The following STAU2 variants were observed in gnomAD, a reference collection of about 807,000 sequenced individuals.
STAU2 encodes double-stranded RNA-binding protein Staufen homolog 2.
Under a neutral mutation model 65.9 loss-of-function variants are expected in STAU2, and 20 were observed. The observed-to-expected ratio is 0.30, with a 90% CI of 0.21 to 0.44. STAU2 has a LOEUF of 0.44. STAU2 is among the 20% of genes least tolerant of loss of function. The pLI is 1.00. For missense variants in STAU2, 558 were observed against 683.9 expected (o/e 0.82, Z 2.05); for synonymous variants, 232 against 233.9 (o/e 0.99, Z 0.07).
chr8:73,682,763 A>G (rs112169575), intron 5 of STAU2, among the ~76,000 whole-genome samples: 1,959 of 152,244 alleles, frequency 0.013, 46 homozygotes, highest in African/African-American at 0.044. Context: ...AATAAGCTCA[A>G]TTAGAAACAA....
intron 13 of STAU2, among the ~76,000 whole-genome samples, chr8:73,424,522 G>A (rs772000169): frequency 1.1e-4 from 16 of 152,028 alleles, no homozygotes; most frequent in Non-Finnish European, 2.1e-4. Flanking sequence ...GAACGATATG[G>A]CTTTTCATAA....
chr8:73,429,411 G>GTTTTTTT (rs1261161673), intron 13 of STAU2, among the ~76,000 whole-genome samples: 7 of 67,190 alleles, frequency 1.0e-4, no homozygotes, highest in Non-Finnish European at 1.8e-4. Flanking sequence ...TCTTGCTCAG[G>GTTTTTTT]TCTTTTTTTT....
At chr8:73,558,238 G>C (rs73686820) in intron 12 of STAU2, among the ~76,000 whole-genome samples, 47,168 of 152,076 alleles carry the variant, frequency 0.31, 7,576 homozygotes, top group Non-Finnish European at 0.33. Flanking sequence ...GCCCAGATTG[G>C]TTCCAAGGAT....
intron 6 of STAU2, 194 bp downstream of exon 6, chr8:73,672,913 A>AC (rs1817787947): frequency 2.2e-6 from 1 of 446,536 alleles, no homozygotes; most frequent in Admixed American, 4.2e-5. Flanking sequence ...AAAAAAAAAA[A>AC]AACTAGTTCC....
chr8:73,521,218 C>T (rs1823020904), intron 13 of STAU2, among the ~76,000 whole-genome samples: 1 of 152,080 alleles, frequency 6.6e-6, no homozygotes, highest in African/African-American at 2.4e-5. Context: ...AGAACTTAAT[C>T]AAAACTAGAA....
chr8:73,655,900 G>A (rs1397338131), intron 6 of STAU2, among the ~76,000 whole-genome samples: 15 of 149,206 alleles, frequency 1.0e-4, no homozygotes, highest in East Asian at 9.9e-4. Context: ...CGCCCGCCTC[G>A]GCCTCCCAAA....
intron 13 of STAU2, among the ~76,000 whole-genome samples, chr8:73,505,138 G>C (rs1259061838): frequency 6.6e-6 from 1 of 152,046 alleles, no homozygotes; most frequent in Non-Finnish European, 1.5e-5. Context: ...CTAAGTCATC[G>C]TTCTCCAAAA....
chr8:73,673,243 CTGTTTAAA>C lies in STAU2; in HGVS notation c.275-9_275-2del. On this transcript the variant is annotated splice_acceptor_variant and splice_polypyrimidine_tract_variant and intron_variant, in intron 5 of 14. Transcript: ENST00000524300. LOFTEE classifies it high-confidence loss of function. ...AGTTCCACAGTTGGAGTTATACTGC[CTGTTTAAA>C]AAAAAAACATTAAAGGCACACAAGT... 1 of 1,549,990 alleles carries C rather than the reference CTGTTTAAA, an allele frequency of 6.5e-7. No individual in the cohort carries two copies.
intron 5 of STAU2, among the ~76,000 whole-genome samples, chr8:73,681,436 C>G (rs894711134): frequency 3.9e-5 from 6 of 152,130 alleles, no homozygotes; most frequent in African/African-American, 1.4e-4. Context: ...TTGCCACTAT[C>G]AAGTCAGCAC....
intron 13 of STAU2, among the ~76,000 whole-genome samples, chr8:73,506,546 G>A (rs985525255): frequency 1.3e-5 from 2 of 152,096 alleles, no homozygotes; most frequent in African/African-American, 2.4e-5. Flanking sequence ...AGAAAAAAAT[G>A]CTAACAATCA....
intron 13 of STAU2, among the ~76,000 whole-genome samples, chr8:73,469,019 G>A (rs1819818651): frequency 6.6e-6 from 1 of 151,922 alleles, no homozygotes; most frequent in Non-Finnish European, 1.5e-5. Flanking sequence ...TGTTTATTGT[G>A]GCACTATTCA....
At chr8:73,603,462 A>G (rs940728492) in intron 10 of STAU2, among the ~76,000 whole-genome samples, 2 of 152,234 alleles carry the variant, frequency 1.3e-5, no homozygotes, top group Non-Finnish European at 2.9e-5. Flanking sequence ...AAAAGTTAAA[A>G]GATAGGCATT....
chr8:73,544,658 C>T lies in STAU2; in HGVS notation c.1530+7354G>A, dbSNP rs149111534. The stretch of plus-strand genomic sequence containing the variant: ...TCTGCTATGAACTCTTCCCTAATTC[C>T]TTCAGCCAGAAATGTTCATTTCCAT... On this transcript the variant is annotated intron_variant, in intron 13 of 14. Coordinates refer to ENST00000524300, the MANE Select transcript of STAU2 (RefSeq NM_001164380.2). Among the ~76,000 whole-genome samples the T allele has an allele frequency of 1.2e-4, 18 of 152,278 alleles. No individual in the cohort carries two copies. The East Asian group carries it at 3.3e-3, about 28-fold the overall frequency.
At chr8:73,637,477 T>TAAAAAAAAAAAAAAAAGAAAA (rs1814620107) in intron 6 of STAU2, among the ~76,000 whole-genome samples, 1 of 57,086 alleles carries the variant, frequency 1.8e-5, no homozygotes, top group Non-Finnish European at 3.0e-5. Context: ...GTGCTGAAAG[T>TAAAAAAAAAAAAAAAAGAAAA]AAAAAAAAAA....
At chr8:73,426,962 CTT>C (rs1289751345) in intron 13 of STAU2, among the ~76,000 whole-genome samples, 1 of 130,138 alleles carries the variant, frequency 7.7e-6, no homozygotes, top group Non-Finnish European at 1.6e-5. Flanking sequence ...GAGTTTTGCT[CTT>C]GTTGCCCAGG....
chr8:73,706,934 A>C (rs1020792925), intron 4 of STAU2, among the ~76,000 whole-genome samples: 1 of 152,232 alleles, frequency 6.6e-6, no homozygotes, highest in African/African-American at 2.4e-5. Context: ...AAAGAATCTT[A>C]ATGAAAACCA....
At chr8:73,558,439 T>C (rs1011182491) in intron 12 of STAU2, among the ~76,000 whole-genome samples, 2 of 152,230 alleles carry the variant, frequency 1.3e-5, no homozygotes, top group Non-Finnish European at 2.9e-5. Flanking sequence ...CAGATGGGTA[T>C]ATGAATCCTC....
chr8:73,508,187 G>C (rs1822176522), intron 13 of STAU2, among the ~76,000 whole-genome samples: 1 of 152,186 alleles, frequency 6.6e-6, no homozygotes, highest in Admixed American at 6.5e-5. Flanking sequence ...AAGAGGCCTA[G>C]CTTTTGGCCC....
chr8:73,597,639 C>T (rs936810064), intron 10 of STAU2, among the ~76,000 whole-genome samples: 6 of 143,524 alleles, frequency 4.2e-5, no homozygotes, highest in Non-Finnish European at 7.5e-5. Context: ...TACTGCACTC[C>T]AGCCTGGGCG....
Sources: allele counts gnomAD v4.1 joint callset (sites outside exome capture counted in the v4.1 genomes callset), GRCh38; gene constraint gnomAD v4.1.1; transcripts MANE v1.5; gene names NCBI Gene and HGNC (gene_info 2026-07-23, HGNC 2026-07-21).